ABCB9: variants seen among roughly 807,000 people sequenced by gnomAD.
The protein encoded by ABCB9 is ABC-type oligopeptide transporter ABCB9.
In ABCB9, 36 loss-of-function variants were observed where a neutral mutation model predicts 62.0. The ratio of observed to expected loss-of-function variants is 0.58; its 90% CI spans 0.45 to 0.77. The LOEUF (loss-of-function observed/expected upper bound fraction) is 0.77. ABCB9 is among the 30% of genes least tolerant of loss of function. The pLI, the probability that ABCB9 is intolerant of heterozygous loss-of-function variation, is 0.00. For synonymous variants in ABCB9, 435 were observed against 461.4 expected (o/e 0.94, Z 0.73); for missense variants, 943 against 1,054.7 (o/e 0.89, Z 1.47).
At position 122,940,723 on chromosome 12, in the gene ABCB9, T is replaced by G; in HGVS notation, c.1569+84A>C. On this transcript the variant is annotated intron_variant, in intron 8 of 11. Transcript: ENST00000280560. This position sits in a 1 kb window ranked among gnomAD's most constrained non-coding sequence, Gnocchi z 4.8. The stretch of plus-strand genomic sequence containing the variant: ...TTGCCTGACATATTCCCAGCTGCCC[T>G]GCCACAGCCTGGTGTATAGGAGGTG... 7.0e-7 allele frequency: 1 copy of G among 1,435,990 alleles called. No homozygotes were observed. Among genetic ancestry groups the G allele is most frequent in the Non-Finnish European group, 9.2e-7 (1 of 1,081,666 alleles). The allele number at this position is 1,435,990 out of a possible 1,614,324, so 89.0% of individuals were successfully genotyped here.
At chr12:122,949,655 G>C in intron 4 of ABCB9, 133 bp downstream of exon 4, 1 of 1,239,980 alleles carries the variant, frequency 8.1e-7, no homozygotes, top group East Asian at 2.4e-5. Context: ...GGTGTTCCCA[G>C]CCTGAACTAA....
At chr12:122,967,287 G>GTGGAA (rs2037206271), upstream of ABCB9, among the ~76,000 whole-genome samples, 1 of 152,202 alleles carries the variant, frequency 6.6e-6, no homozygotes, top group African/African-American at 2.4e-5. Flanking sequence ...GTAAGTGAAA[G>GTGGAA]GTGAGAAGGC....
chr12:122,959,779 T>C lies in ABCB9; in HGVS notation c.457A>G (p.Thr153Ala). 1 of 1,611,866 alleles carries C rather than the reference T, an allele frequency of 6.2e-7. No individual in the cohort carries two copies. Among genetic ancestry groups the C allele is most frequent in the Non-Finnish European group, 8.5e-7 (1 of 1,179,244 alleles). Residue 153 changes from threonine to alanine, a missense_variant, in exon 2 of 12, where the codon ACC (threonine) becomes GCC (alanine). Thr to Ala is a moderately conservative substitution (Grantham distance 58). Transcript: ENST00000280560. This position sits in a 1 kb window ranked among gnomAD's most constrained non-coding sequence, Gnocchi z 5.4. Reference sequence around the variant, plus strand: ...CTCCCAGGGAAGCCCTCAGCCTCGGTGGCCGCCCCTGGCTCCAGGGCCTGG... The same window carrying C: ...CTCCCAGGGAAGCCCTCAGCCTCGGCGGCCGCCCCTGGCTCCAGGGCCTGG... ...GTQALEPGAA[T>A]EAEGFPGSGR... is the part of the protein sequence containing the mutation.
intron 2 of ABCB9, chr12:122,951,358 G>C (rs1385402693): frequency 6.6e-6 from 1 of 151,188 alleles, no homozygotes. Context: ...CTGAGTAGCC[G>C]GGACTACAGG....
chr12:122,947,459 C>A lies in ABCB9; in HGVS notation c.1053+1165G>T. 2.2e-6 allele frequency: 1 copy of A among 454,292 alleles called. No homozygotes were observed. 28.1% of individuals were successfully genotyped at this position (454,292 alleles called of 1,614,324 possible). A position where few individuals can be genotyped will look rare whatever the true frequency, so the allele number is the denominator to read the frequency against. The stretch of plus-strand genomic sequence containing the variant: ...ACCAACACCAAAGGCTCCAATGGAG[C>A]TGCGACAATGACTTACCCGGCACCA... On this transcript the variant is annotated intron_variant, in intron 5 of 11. Transcript: ENST00000280560. The surrounding 1 kb of genome is among the most constrained non-coding windows in gnomAD (Gnocchi z 6.0).
intron 2 of ABCB9, among the ~76,000 whole-genome samples, chr12:122,955,777 T>G: frequency 6.6e-6 from 1 of 151,104 alleles, no homozygotes; most frequent in East Asian, 2.0e-4. Flanking sequence ...TGTGGCACAA[T>G]CCCAGCTAAC....
intron 2 of ABCB9, among the ~76,000 whole-genome samples, chr12:122,954,023 G>A (rs2036497209): frequency 1.3e-5 from 2 of 152,046 alleles, no homozygotes; most frequent in South Asian, 4.1e-4. Context: ...AGAATCTTAG[G>A]CTACAGAAGG....
intron 11 of ABCB9, among the ~76,000 whole-genome samples, chr12:122,923,282 CTTAT>C (rs768667878): frequency 4.4e-4 from 66 of 150,516 alleles, no homozygotes; most frequent in African/African-American, 1.2e-3. Flanking sequence ...ACCAGTACTT[CTTAT>C]TTATTTATTT....
At chr12:122,965,278 G>A (rs927596795) in intron 1 of ABCB9, among the ~76,000 whole-genome samples, 2 of 152,236 alleles carry the variant, frequency 1.3e-5, no homozygotes, top group African/African-American at 2.4e-5. Context: ...TGCAAGAAAA[G>A]GGGCCAAAGA....
chr12:122,950,756 G>C, intron 2 of ABCB9, 191 bp from the exon 3 acceptor site: 3 of 557,268 alleles, frequency 5.4e-6, no homozygotes, highest in South Asian at 4.6e-5. Flanking sequence ...GAGAACAGGG[G>C]AGCACTGGGC....
At chr12:122,957,607 C>G (rs2036665571) in intron 2 of ABCB9, among the ~76,000 whole-genome samples, 1 of 151,056 alleles carries the variant, frequency 6.6e-6, no homozygotes, top group African/African-American at 2.4e-5. Context: ...AAATACATTT[C>G]ATGTCACAAA....
chr12:122,940,364 G>A lies in ABCB9; in HGVS notation c.1570-80C>T. On this transcript the variant is annotated intron_variant, in intron 8 of 11. Coordinates refer to ENST00000280560, the MANE Select transcript of ABCB9 (RefSeq NM_019625.4). This position sits in a 1 kb window ranked among gnomAD's most constrained non-coding sequence, Gnocchi z 4.8. ...GATGCCCTGACCTTGGACACAGGTG[G>A]GTGCCCTTCCCAGCCCACCCCATGT... 6.7e-7 allele frequency: 1 copy of A among 1,487,050 alleles called. No individual in the cohort carries two copies. The highest frequency in any genetic ancestry group is 1.4e-5 in the African/African-American group (1 of 71,234). 92.1% of individuals were successfully genotyped at this position (1,487,050 alleles called of 1,614,324 possible).
At position 122,930,266 on chromosome 12, in the gene ABCB9, CTG is replaced by C; in HGVS notation, c.2041-97_2041-96del. 7.9e-7 allele frequency: 1 copy of C among 1,261,840 alleles called. No individual in the cohort carries two copies. Among genetic ancestry groups the C allele is most frequent in the Non-Finnish European group, 1.1e-6 (1 of 929,170 alleles). The allele number at this position is 1,261,840 out of a possible 1,614,324, so 78.2% of individuals were successfully genotyped here. On this transcript the variant is annotated intron_variant, in intron 11 of 11. Coordinates refer to ENST00000280560, the MANE Select transcript of ABCB9 (RefSeq NM_019625.4). The surrounding 1 kb of genome is among the most constrained non-coding windows in gnomAD (Gnocchi z 4.9). ...GCCTATGGGCTGATGCTTAACCTCT[CTG>C]AGGCTCAGTTCACAAACGATGGCCA...
chr12:122,974,715 T>C (rs1329696334), exon 1 of ABCB9: 1 of 152,412 alleles, frequency 6.6e-6, no homozygotes, highest in East Asian at 1.9e-4. Context: ...AGACACTCAC[T>C]GGGGCAATCT....
exon 1 of ABCB9, chr12:122,975,101 C>T (rs2037368834): frequency 5.9e-6 from 3 of 511,910 alleles, no homozygotes; most frequent in Admixed American, 3.3e-5. Context: ...CATCTTTCTC[C>T]GCAGACCGTT....
chr12:122,923,465 AT>A (rs1566145152), intron 11 of ABCB9, among the ~76,000 whole-genome samples: 1 of 151,364 alleles, frequency 6.6e-6, no homozygotes, highest in Admixed American at 6.6e-5. Context: ...TTTTTTTTGT[AT>A]TTTTAGTAGA....
chr12:122,924,506 A>G, downstream of ABCB9: 3 of 893,902 alleles, frequency 3.4e-6, no homozygotes, highest in Non-Finnish European at 4.4e-6. Flanking sequence ...CTGGAATTAC[A>G]GACATGGGCC....
rs1181276439 is a variant in ABCB9, at chr12:122,929,201, G to GCTTT, written c.*709_*710insAAAG. Reference sequence around the variant, plus strand: ...CCAGCCAGGGGTGGGTGGACGAGGGGCGAAAGCGCTGGGTGCCGGGCTGGG... The same window carrying GCTTT: ...CCAGCCAGGGGTGGGTGGACGAGGGGCTTTCGAAAGCGCTGGGTGCCGGGCTGGG... On this transcript the variant is annotated 3_prime_UTR_variant, in exon 12 of 12. Coordinates refer to ENST00000280560, the MANE Select transcript of ABCB9 (RefSeq NM_019625.4). This position sits in a 1 kb window ranked among gnomAD's most constrained non-coding sequence, Gnocchi z 6.0. 1 of 986,020 alleles carries GCTTT rather than the reference G, an allele frequency of 1.0e-6. No homozygotes were observed. The highest frequency in any genetic ancestry group is 1.7e-5 in the African/African-American group (1 of 57,240). The allele number at this position is 986,020 out of a possible 1,614,324, so 61.1% of individuals were successfully genotyped here.
chr12:122,971,033 G>C (rs893324780), upstream of ABCB9, among the ~76,000 whole-genome samples: 3 of 152,096 alleles, frequency 2.0e-5, no homozygotes, highest in Admixed American at 1.3e-4. Context: ...GAGTAGGCAG[G>C]GCACAGAGGA....
Sources: allele counts gnomAD v4.1 joint callset (sites outside exome capture counted in the v4.1 genomes callset), GRCh38; gene constraint gnomAD v4.1.1; non-coding constraint Gnocchi (gnomAD v3.1); transcripts MANE v1.5; gene names NCBI Gene and HGNC (gene_info 2026-07-23, HGNC 2026-07-21).